The following PSMD1 variants were observed in gnomAD, a reference collection of about 807,000 sequenced individuals.
PSMD1 encodes 26S proteasome non-ATPase regulatory subunit 1.
A neutral mutation model predicts 119.0 loss-of-function variants in PSMD1; 18 were observed. The observed-to-expected ratio is 0.15, with a 90% CI of 0.10 to 0.22. The LOEUF is 0.22. Ranked by LOEUF, PSMD1 falls within the 10% of genes least tolerant of loss-of-function variation. The pLI is 1.00. For synonymous variants in PSMD1, 374 were observed against 396.6 expected (o/e 0.94, Z 0.68); for missense variants, 702 against 1,158.5 (o/e 0.61, Z 5.72).
intron 20 of PSMD1, among the ~76,000 whole-genome samples, 168 bp downstream of exon 20, chr2:231,161,677 T>C (rs995964221): frequency 2.6e-5 from 4 of 152,222 alleles, no homozygotes; most frequent in Admixed American, 6.5e-5. Flanking sequence ...GAGTGTGTCA[T>C]TGAAAGTTTT....
At chr2:231,082,030 C>T (rs1250088875) in intron 12 of PSMD1, among the ~76,000 whole-genome samples, 1 of 152,158 alleles carries the variant, frequency 6.6e-6, no homozygotes, top group Non-Finnish European at 1.5e-5. Context: ...ACTTTGTTTT[C>T]TCACGTTCAT....
intron 19 of PSMD1, among the ~76,000 whole-genome samples, chr2:231,156,284 T>TA (rs1696503284): frequency 6.6e-6 from 1 of 152,178 alleles, no homozygotes; most frequent in Non-Finnish European, 1.5e-5. Context: ...TTTCCCCTGT[T>TA]ATTGGCATCT....
intron 16 of PSMD1, among the ~76,000 whole-genome samples, chr2:231,134,751 A>G (rs1259273802): frequency 6.6e-6 from 1 of 152,200 alleles, no homozygotes; most frequent in Non-Finnish European, 1.5e-5. Flanking sequence ...TCAAGACTCA[A>G]TTAGCCTTAG....
chr2:231,138,510 AC>A (rs747682610), intron 16 of PSMD1, among the ~76,000 whole-genome samples: 18 of 152,230 alleles, frequency 1.2e-4, no homozygotes, highest in Non-Finnish European at 2.5e-4. Flanking sequence ...ACTCACTTAT[AC>A]TGAGAAAGGA....
chr2:231,161,960 C>T (rs1227948757), intron 20 of PSMD1, among the ~76,000 whole-genome samples: 2 of 152,188 alleles, frequency 1.3e-5, no homozygotes, highest in Non-Finnish European at 2.9e-5. Flanking sequence ...TAAACTAAAT[C>T]TTCCAGAGTT....
At chr2:231,121,730 G>A (rs904096228) in intron 16 of PSMD1, among the ~76,000 whole-genome samples, 1 of 152,012 alleles carries the variant, frequency 6.6e-6, no homozygotes, top group Admixed American at 6.5e-5. Context: ...TATCTACCAT[G>A]GTACTTTGCA....
At chr2:231,067,314 C>T (rs1212681894) in intron 5 of PSMD1, among the ~76,000 whole-genome samples, 3 of 152,064 alleles carry the variant, frequency 2.0e-5, no homozygotes, top group Admixed American at 6.5e-5. Context: ...TTTATCTTAC[C>T]ACATAATCCT....
intron 18 of PSMD1, among the ~76,000 whole-genome samples, chr2:231,147,780 T>C (rs973870605): frequency 2.0e-5 from 3 of 152,164 alleles, no homozygotes; most frequent in Non-Finnish European, 2.9e-5. Flanking sequence ...AGTCAAAAAA[T>C]TGACAACAGA....
chr2:231,085,749 G>A (rs1405397680), intron 15 of PSMD1, among the ~76,000 whole-genome samples: 1 of 146,556 alleles, frequency 6.8e-6, no homozygotes, highest in African/African-American at 2.5e-5. Context: ...TCCACTCATA[G>A]TTCTCCTAAT....
chr2:231,074,202 T>C (rs1258228103), intron 7 of PSMD1, among the ~76,000 whole-genome samples: 1 of 152,100 alleles, frequency 6.6e-6, no homozygotes, highest in African/African-American at 2.4e-5. Context: ...CCTTCCTGGG[T>C]TCAAGCAATT....
chr2:231,157,314 A>G (rs977308627), intron 19 of PSMD1, among the ~76,000 whole-genome samples: 17 of 151,456 alleles, frequency 1.1e-4, no homozygotes, highest in Non-Finnish European at 1.5e-5. Context: ...ATATTAAGAA[A>G]AAAGAATTAG....
At chr2:231,149,998 A>C (rs1696336573) in intron 18 of PSMD1, among the ~76,000 whole-genome samples, 1 of 152,148 alleles carries the variant, frequency 6.6e-6, no homozygotes, top group Admixed American at 6.6e-5. Flanking sequence ...ACAACATGGG[A>C]GCATAGGAAA....
At chr2:231,061,397 T>A in intron 2 of PSMD1, 87 bp downstream of exon 2, 1 of 1,171,724 alleles carries the variant, frequency 8.5e-7, no homozygotes, top group Non-Finnish European at 1.2e-6. Context: ...TTCCATCATT[T>A]AAAGTTGCTG....
chr2:231,068,034 T>C (rs954529214), intron 5 of PSMD1, among the ~76,000 whole-genome samples: 5 of 152,222 alleles, frequency 3.3e-5, no homozygotes, highest in African/African-American at 9.6e-5. Flanking sequence ...TGCAGAACTT[T>C]GATCCCAATA....
At chr2:231,150,070 G>T (rs902397072) in intron 18 of PSMD1, among the ~76,000 whole-genome samples, 1 of 152,204 alleles carries the variant, frequency 6.6e-6, no homozygotes, top group African/African-American at 2.4e-5. Flanking sequence ...TATAGGCCAG[G>T]CGCAGTGGCT....
At chr2:231,163,611 G>GT (rs1304299630) in intron 20 of PSMD1, 24 bp from the exon 21 acceptor site, 1 of 1,571,286 alleles carries the variant, frequency 6.4e-7, no homozygotes, top group Non-Finnish European at 8.7e-7. Flanking sequence ...TAAAGCCAAT[G>GT]TTATTTTAAT....
chr2:231,145,894 CAAAAAAAAAAAA>C (rs36124651), intron 17 of PSMD1, among the ~76,000 whole-genome samples: 13 of 46,556 alleles, frequency 2.8e-4, no homozygotes, highest in South Asian at 1.1e-3. Flanking sequence ...AGCTACATCT[CAAAAAAAAAAAA>C]AAAAAAAAAA....
In PSMD1 at chr2:231,078,795, T is replaced by TTC; in HGVS notation, c.1160+49_1160+50insCT. On this transcript the variant is annotated intron_variant, in intron 10 of 24. Coordinates refer to ENST00000308696, the MANE Select transcript of PSMD1 (RefSeq NM_002807.4). Reference sequence around the variant, plus strand: ...ACTTTGGTTCAAAATCTTTTTCTTTTTTTTTTTTTTTTTTTTTTTTGTGCA... The same window carrying TTC: ...ACTTTGGTTCAAAATCTTTTTCTTTTTCTTTTTTTTTTTTTTTTTTTTGTGCA... The TTC allele has an allele frequency of 8.8e-6, 10 of 1,139,018 alleles. No homozygotes were observed. In the South Asian group the frequency reaches 1.4e-4, roughly 16 times the overall value. The allele number at this position is 1,139,018 out of a possible 1,614,324, so 70.6% of individuals were successfully genotyped here.
intron 5 of PSMD1, among the ~76,000 whole-genome samples, chr2:231,067,846 G>C (rs187309235): frequency 4.2e-4 from 64 of 152,008 alleles, no homozygotes; most frequent in East Asian, 3.9e-4. Flanking sequence ...TAGTAGAGTT[G>C]GGGTTTCATC....
Sources: allele counts gnomAD v4.1 joint callset (sites outside exome capture counted in the v4.1 genomes callset), GRCh38; gene constraint gnomAD v4.1.1; transcripts MANE v1.5; gene names NCBI Gene and HGNC (gene_info 2026-07-23, HGNC 2026-07-21).